ARSF: variants seen among roughly 807,000 people sequenced by gnomAD.
ARSF encodes arylsulfatase F.
ARSF carries 33 observed loss-of-function variants against 35.4 expected under a neutral mutation model. The observed-to-expected ratio is 0.93, with a 90% CI of 0.71 to 1.25. The LOEUF is 1.25. Among genes scored for constraint, ARSF ranks in the 50% most tolerant of loss-of-function variants. The pLI is 0.00. For synonymous variants in ARSF, 222 were observed against 193.1 expected (o/e 1.15, Z -1.24); for missense variants, 501 against 480.2 (o/e 1.04, Z -0.40).
At chrX:3,077,769 T>C (rs1261775224) in intron 4 of ARSF, among the ~76,000 whole-genome samples, 2 of 107,279 alleles carry the variant, frequency 1.9e-5, no homozygotes, top group Non-Finnish European at 3.8e-5. Context: ...CCTTGCTCAA[T>C]TTATATCAAT....
At chrX:3,056,451 T>G (rs2090018659) in intron 1 of ARSF, among the ~76,000 whole-genome samples, 1 of 109,384 alleles carries the variant, frequency 9.1e-6, no homozygotes, top group Non-Finnish European at 1.9e-5. Context: ...AATTTTTATA[T>G]TTTTAGTAGA....
rs1436689117 is a variant in ARSF, at chrX:3,089,772, A to G, written c.967+140A>G. On this transcript the variant is annotated intron_variant, in intron 7 of 10. Transcript: ENST00000381127. The stretch of plus-strand genomic sequence containing the variant: ...TGGTCTGAGACATTAATGAGGTAAT[A>G]GTTGCTAGCAATTGAGAAAGTCAGC... The G allele has an allele frequency of 1.1e-4, 66 of 626,551 alleles. No individual in the cohort carries two copies. In the South Asian group the frequency reaches 2.3e-3, roughly 22 times the overall value. The allele number at this position is 626,551 out of a possible 1,213,427, so 51.6% of individuals were successfully genotyped here.
intron 6 of ARSF, 111 bp from the exon 7 acceptor site, chrX:3,089,385 C>A: frequency 1.1e-6 from 1 of 933,081 alleles, no homozygotes; most frequent in Non-Finnish European, 1.5e-6. Flanking sequence ...ACTCTATCTT[C>A]TGCAGCTTGG....
intron 1 of ARSF, among the ~76,000 whole-genome samples, chrX:3,067,157 C>T (rs776412955): frequency 2.7e-4 from 27 of 101,833 alleles, no homozygotes; most frequent in Non-Finnish European, 4.6e-4. Flanking sequence ...TGTGAGTGTG[C>T]GTGCGTGTGT....
chrX:3,110,164 GGGCAAC>G lies in ARSF; in HGVS notation c.1304_1309del (p.Gly435_Asn436del). On this transcript the variant is annotated inframe_deletion, in exon 10 of 11. Transcript: ENST00000381127. The stretch of plus-strand genomic sequence containing the variant: ...GCCGAGACCTCATGCCCTTGCTGCA[GGGCAAC>G]GTCAGGCACTCGGAGCATGAATTTC... 1 of 1,202,242 alleles carries G rather than the reference GGGCAAC, an allele frequency of 8.3e-7. No homozygotes were observed. Among genetic ancestry groups the G allele is most frequent in the Non-Finnish European group, 1.1e-6 (1 of 890,103 alleles).
intron 3 of ARSF, among the ~76,000 whole-genome samples, chrX:3,075,850 T>C (rs1441243890): frequency 9.7e-6 from 1 of 103,539 alleles, no homozygotes; most frequent in Non-Finnish European, 2.0e-5. Context: ...TCTTTCCATC[T>C]CTCTCTGTCT....
chrX:3,087,105 A>G (rs1200791460), intron 6 of ARSF, among the ~76,000 whole-genome samples: 1 of 111,584 alleles, frequency 9.0e-6, no homozygotes, highest in Non-Finnish European at 1.9e-5. Context: ...TACCCAGATA[A>G]CCCAGGATAA....
chrX:3,106,755 AAAG>A (rs964542103), intron 9 of ARSF, among the ~76,000 whole-genome samples: 14 of 112,518 alleles, frequency 1.2e-4, no homozygotes, highest in African/African-American at 4.2e-4. Context: ...AATAGACAAA[AAAG>A]AAAAGTAAAG....
At position 3,112,508 on chromosome X, in the gene ARSF, CAAGGAAGAGGAAGTCTCTCA is replaced by C; in HGVS notation, c.1726_1745del (p.Lys576AlafsTer5). ...GGGTGTTCCCATTTTGTCTGTGTGACAAGGAAGAGGAAGTCTCTCAGCCTCGGGGTCCTAACGAGAAGAGA... is the reference window on the plus strand; with the variant it reads ...GGGTGTTCCCATTTTGTCTGTGTGACGCCTCGGGGTCCTAACGAGAAGAGA... On this transcript the variant is annotated frameshift_variant, in exon 11 of 11. Transcript: ENST00000381127. LOFTEE classifies it low-confidence loss of function (END_TRUNC). 5.0e-6 allele frequency: 6 copies of C among 1,205,096 alleles called. No homozygotes were observed. The highest frequency in any genetic ancestry group is 6.7e-6 in the Non-Finnish European group (6 of 891,463).
chrX:3,098,611 A>T (rs775089761), intron 7 of ARSF, among the ~76,000 whole-genome samples: 1 of 111,026 alleles, frequency 9.0e-6, no homozygotes, highest in East Asian at 2.8e-4. Flanking sequence ...ACCGTGTAAG[A>T]TGTGCCTTTC....
rs772796427 is a variant in ARSF at position 3,045,362 on chromosome X, G to A, written c.-29+3699G>A. Among the ~76,000 whole-genome samples, 6 of 111,178 alleles carry A rather than the reference G, an allele frequency of 5.4e-5. 1 individual carries two copies. The South Asian group carries it at 1.1e-3, about 21-fold the overall frequency. ...AGAAGAGCTCTCTGCAGCAGAGCGGGGTCCTGGAGAAGTGGGTTGCTGCTT... is the reference window on the plus strand; with the variant it reads ...AGAAGAGCTCTCTGCAGCAGAGCGGAGTCCTGGAGAAGTGGGTTGCTGCTT... On this transcript the variant is annotated intron_variant, in intron 1 of 10. Coordinates refer to ENST00000381127, the MANE Select transcript of ARSF (RefSeq NM_001201539.2).
chrX:3,097,565 A>C (rs186251486), intron 7 of ARSF, among the ~76,000 whole-genome samples: 155 of 112,186 alleles, frequency 1.4e-3, no homozygotes, highest in African/African-American at 4.7e-3. Flanking sequence ...AATGTACCAT[A>C]ATCACCTATC....
At chrX:3,091,202 A>G (rs1478078242) in intron 7 of ARSF, among the ~76,000 whole-genome samples, 2 of 112,226 alleles carry the variant, frequency 1.8e-5, no homozygotes, top group Non-Finnish European at 3.8e-5. Flanking sequence ...GGCATGAGTC[A>G]CTGCACCCAG....
Position 3,112,538 on chromosome X carries a change from T to C in ARSF, c.1755T>C (p.Gly585=), listed in dbSNP as rs2090454321. 1.7e-6 allele frequency: 2 copies of C among 1,201,856 alleles called. No individual in the cohort carries two copies. The highest frequency in any genetic ancestry group is 1.8e-5 in the African/African-American group (1 of 54,118). ...DKEEEVSQPR[G]PNEKR ...AAGAGGAAGTCTCTCAGCCTCGGGG[T>C]CCTAACGAGAAGAGATAATTACAAT... is the stretch of plus-strand genomic sequence containing the variant. Residue 585 remains glycine (G), a synonymous_variant, in exon 11 of 11, where the codon GGT becomes GGC. Transcript: ENST00000381127.
At chrX:3,093,105 G>A (rs111730869) in intron 7 of ARSF, among the ~76,000 whole-genome samples, 23 of 111,144 alleles carry the variant, frequency 2.1e-4, no homozygotes, top group South Asian at 3.9e-4. Flanking sequence ...GGCAGAGCTT[G>A]CAGTGGCCGA....
intron 10 of ARSF, among the ~76,000 whole-genome samples, chrX:3,111,895 G>A (rs989701963): frequency 9.1e-6 from 1 of 109,952 alleles, no homozygotes; most frequent in African/African-American, 3.3e-5. Flanking sequence ...AATAGGTCTC[G>A]TGCTCTTATG....
At chrX:3,093,144 A>G (rs191086598) in intron 7 of ARSF, among the ~76,000 whole-genome samples, 2,624 of 111,893 alleles carry the variant, frequency 0.023, 75 homozygotes, top group African/African-American at 0.081. Context: ...CAGCCTGGGC[A>G]ACGGAGCGAG....
chrX:3,078,504 G>C (rs757233091), intron 4 of ARSF, among the ~76,000 whole-genome samples: 39 of 110,804 alleles, frequency 3.5e-4, no homozygotes, highest in Non-Finnish European at 6.2e-4. Context: ...TTGTTTGTTT[G>C]GTTTTTTGCT....
At chrX:3,093,031 T>C (rs2090309106) in intron 7 of ARSF, among the ~76,000 whole-genome samples, 1 of 106,807 alleles carries the variant, frequency 9.4e-6, no homozygotes, top group Non-Finnish European at 1.9e-5. Context: ...ACATCCGTGG[T>C]GGCGGGCGTC....
Sources: allele counts gnomAD v4.1 joint callset (sites outside exome capture counted in the v4.1 genomes callset), GRCh38; gene constraint gnomAD v4.1.1; transcripts MANE v1.5; gene names NCBI Gene and HGNC (gene_info 2026-07-23, HGNC 2026-07-21).